Variants in COL5A2 observed in about 807,000 individuals in gnomAD.
The protein encoded by COL5A2 is collagen alpha-2(V) chain.
COL5A2 carries 23 observed loss-of-function variants against 208.2 expected under a neutral mutation model. The observed-to-expected ratio is 0.11, with a 90% CI of 0.08 to 0.16. The LOEUF is 0.16. Among genes scored for constraint, COL5A2 ranks in the 10% least tolerant of loss-of-function variants. The pLI is 1.00. For synonymous variants in COL5A2, 625 were observed against 628.5 expected, an observed-to-expected ratio of 0.99 and a Z score of 0.08; for missense variants, 1,590 against 1,956.4, an observed-to-expected ratio of 0.81 and a Z score of 3.53.
chr2:189,419,383 G>A, the COL5A2 span, among the ~76,000 whole-genome samples: 751 of 152,006 alleles, frequency 4.9e-3, 1 homozygote, highest in Non-Finnish European at 7.4e-3. Context: ...AATTTTTTTA[G>A]GCAATCTAGG....
the COL5A2 span, among the ~76,000 whole-genome samples, chr2:189,243,051 G>C: frequency 6.6e-6 from 1 of 152,128 alleles, no homozygotes; most frequent in Non-Finnish European, 1.5e-5. Context: ...GCCTCTGAAT[G>C]GACCAAGAAA....
At chr2:189,360,646 T>C in the COL5A2 span, among the ~76,000 whole-genome samples, 1 of 151,958 alleles carries the variant, frequency 6.6e-6, no homozygotes, top group African/African-American at 2.4e-5. Context: ...ACTTCTGGGA[T>C]ACATGTGCAA....
the COL5A2 span, among the ~76,000 whole-genome samples, chr2:189,332,180 T>A: frequency 6.6e-5 from 10 of 151,988 alleles, no homozygotes; most frequent in Non-Finnish European, 1.2e-4. Context: ...ATACATAAAA[T>A]CACAAATTAG....
chr2:189,206,078 A>T (rs955635961), intron 1 of COL5A2, among the ~76,000 whole-genome samples: 4 of 152,216 alleles, frequency 2.6e-5, no homozygotes, highest in Admixed American at 2.0e-4. Context: ...GGAGCTAAGT[A>T]GGGAACAGGA....
chr2:189,344,279 T>C, the COL5A2 span, among the ~76,000 whole-genome samples: 2 of 152,156 alleles, frequency 1.3e-5, 1 homozygote, highest in South Asian at 4.1e-4. Flanking sequence ...CGAAACAGTT[T>C]CCATGGCAGT....
At position 189,100,920 on chromosome 2, in the gene COL5A2, T is replaced by C. The variant is rs565587153; in HGVS notation, c.337-781A>G. 2.0e-5 allele frequency among the ~76,000 whole-genome samples: 3 copies of C among 152,164 alleles called. No homozygotes were observed. The East Asian group carries it at 5.8e-4, about 29-fold the overall frequency. On this transcript the variant is annotated intron_variant, in intron 3 of 53. Transcript: ENST00000374866. ...GAAATGGAATCCTCATTGCATGATA[T>C]CAGGTACATAGATTAAATAATATTG...
the COL5A2 span, among the ~76,000 whole-genome samples, chr2:189,286,676 A>G: frequency 0.018 from 2,781 of 152,290 alleles, 88 homozygotes; most frequent in African/African-American, 0.063. Flanking sequence ...TTATGGCACT[A>G]TTTCAAAAGT....
chr2:189,160,639 G>A (rs889738005), intron 1 of COL5A2, among the ~76,000 whole-genome samples: 6 of 151,980 alleles, frequency 3.9e-5, no homozygotes, highest in African/African-American at 1.5e-4. Flanking sequence ...TCCTACTACT[G>A]AAGACTGAGT....
chr2:189,231,135 T>C, the COL5A2 span, among the ~76,000 whole-genome samples: 5 of 149,600 alleles, frequency 3.3e-5, no homozygotes. Context: ...AAACTCATCT[T>C]AGCAGAAAGT....
At chr2:189,198,316 C>A (rs1457661974) in intron 1 of COL5A2, among the ~76,000 whole-genome samples, 2 of 152,144 alleles carry the variant, frequency 1.3e-5, no homozygotes, top group African/African-American at 4.8e-5. Flanking sequence ...ATCTGGCAAT[C>A]ATTTATGTTT....
chr2:189,284,493 A>C, the COL5A2 span, among the ~76,000 whole-genome samples: 20 of 152,218 alleles, frequency 1.3e-4, no homozygotes, highest in Non-Finnish European at 2.4e-4. Context: ...AGAAGGGGGA[A>C]ATGCTACACC....
chr2:189,138,272 C>G (rs955279526), intron 1 of COL5A2, among the ~76,000 whole-genome samples: 1 of 152,006 alleles, frequency 6.6e-6, no homozygotes, highest in Admixed American at 6.6e-5. Context: ...ATGCACCCGG[C>G]CCGGTATATT....
chr2:189,132,752 C>T (rs1687741457), intron 1 of COL5A2, among the ~76,000 whole-genome samples: 1 of 151,868 alleles, frequency 6.6e-6, no homozygotes, highest in Admixed American at 6.6e-5. Context: ...GAAACCCCGT[C>T]TCTACTAAAA....
chr2:189,342,662 C>T, the COL5A2 span, among the ~76,000 whole-genome samples: 1 of 151,152 alleles, frequency 6.6e-6, no homozygotes, highest in Admixed American at 6.6e-5. Flanking sequence ...CACACACACA[C>T]ACACACACAC....
At chr2:189,107,900 T>C (rs911311792) in intron 2 of COL5A2, among the ~76,000 whole-genome samples, 6 of 151,702 alleles carry the variant, frequency 4.0e-5, no homozygotes, top group African/African-American at 1.4e-4. Context: ...AGTGTTTCTT[T>C]TTTCTTACAT....
chr2:189,371,323 C>T, the COL5A2 span, among the ~76,000 whole-genome samples: 1 of 152,104 alleles, frequency 6.6e-6, no homozygotes, highest in Non-Finnish European at 1.5e-5. Context: ...AAATTTCTAC[C>T]AAGAAGTGGG....
intron 1 of COL5A2, among the ~76,000 whole-genome samples, chr2:189,137,055 T>C (rs1687840279): frequency 6.6e-6 from 1 of 152,210 alleles, no homozygotes; most frequent in South Asian, 2.1e-4. Flanking sequence ...TATTATAGGT[T>C]CTATAATTAC....
chr2:189,312,455 C>T, the COL5A2 span, among the ~76,000 whole-genome samples: 7 of 152,148 alleles, frequency 4.6e-5, no homozygotes, highest in East Asian at 3.9e-4. Flanking sequence ...CACTGCTGAC[C>T]GGCCGGGCGC....
chr2:189,248,653 T>A, the COL5A2 span, among the ~76,000 whole-genome samples: 1 of 152,162 alleles, frequency 6.6e-6, no homozygotes, highest in African/African-American at 2.4e-5. Flanking sequence ...ATATGTGGCT[T>A]TTAAAAATAA....
Sources: gnomAD v4.1 joint callset for allele counts (sites outside exome capture counted in the v4.1 genomes callset) on GRCh38, gnomAD v4.1.1 for gene constraint, MANE v1.5 for transcripts, NCBI Gene and HGNC (gene_info 2026-07-23, HGNC 2026-07-21) for gene names.